Variants in ATRIP observed in about 807,000 individuals in gnomAD.
ATRIP encodes ATR-interacting protein.
Under a neutral mutation model 78.1 loss-of-function variants are expected in ATRIP, and 44 were observed. That is an observed-to-expected ratio of 0.56 (90% CI 0.44 to 0.72). The LOEUF is 0.72. Among genes scored for constraint, ATRIP ranks in the 30% least tolerant of loss-of-function variants. The pLI is 0.00. For missense variants in ATRIP, 927 were observed against 980.2 expected (o/e 0.95, Z 0.72); for synonymous variants, 388 against 408.9 (o/e 0.95, Z 0.62).
chr3:48,446,998 G>A lies in ATRIP; in HGVS notation c.153G>A (p.Ala51=), dbSNP rs766298876. The A allele has an allele frequency of 3.3e-5, 52 of 1,578,542 alleles. 1 individual carries two copies. The highest frequency in any genetic ancestry group is 1.7e-5 in the Non-Finnish European group (20 of 1,165,554). The change falls in exon 1 of 13, where the codon GCG becomes GCA. Residue 51 remains alanine, a synonymous_variant. Transcript: ENST00000320211. ...CGGACCCTGACGACCCGTTCGGCGC[G>A]CATGGGGACTTCACTGCCGACGACC... ...AAPDPDDPFG[A]HGDFTADDLE...
Position 48,466,698 on chromosome 3 carries a change from A to G in ATRIP, c.*1144A>G, listed in dbSNP as rs1449985027. Reference sequence around the variant, plus strand: ...GCCCCCGGGGCCCATGCAGACCCTCATCTTTTTCGACATGGAGGCCACTGG... The same window carrying G: ...GCCCCCGGGGCCCATGCAGACCCTCGTCTTTTTCGACATGGAGGCCACTGG... On this transcript the variant is annotated 3_prime_UTR_variant, in exon 13 of 13. Coordinates refer to ENST00000320211, the MANE Select transcript of ATRIP (RefSeq NM_130384.3). 3 of 1,613,846 alleles carry G rather than the reference A, an allele frequency of 1.9e-6. No homozygotes were observed. Among genetic ancestry groups the G allele is most frequent in the East Asian group, 2.2e-5 (1 of 44,836 alleles).
chr3:48,459,631 T>C, intron 6 of ATRIP, 156 bp from the exon 7 acceptor site: 3 of 1,163,354 alleles, frequency 2.6e-6, no homozygotes, highest in Non-Finnish European at 3.7e-6. Context: ...AGGGCAGGTA[T>C]GTCCCAGAGC....
In ATRIP at chr3:48,466,674, C is replaced by T. The variant is rs766068553; in HGVS notation, c.*1120C>T. On this transcript the variant is annotated 3_prime_UTR_variant, in exon 13 of 13. Transcript: ENST00000320211. ...CCCAACCATGGGCTCGCAGGCCCTG[C>T]CCCCGGGGCCCATGCAGACCCTCAT... 1 of 1,613,986 alleles carries T rather than the reference C, an allele frequency of 6.2e-7. No homozygotes were observed. Among genetic ancestry groups the T allele is most frequent in the Non-Finnish European group, 8.5e-7 (1 of 1,179,942 alleles).
In ATRIP at chr3:48,446,919, G is replaced by A; in HGVS notation, c.74G>A (p.Gly25Asp). The change falls in exon 1 of 13, where the codon GGC becomes GAC. Residue 25 changes from glycine (G) to aspartate (D), a missense_variant. Physicochemically the swap from Gly to Asp is moderately conservative, Grantham distance 94 (BLOSUM62 -1). Transcript: ENST00000320211. ...GCGCCTCGCCCCGGCCCGCCGCCGG[G>A]CACCGGGCACCCCCCGAGCAAGCGG... ...PPAPRPGPPP[G>D]TGHPPSKRAR... 1 of 1,409,264 alleles carries A rather than the reference G, an allele frequency of 7.1e-7. No individual in the cohort carries two copies. 87.3% of individuals were successfully genotyped at this position (1,409,264 alleles called of 1,614,324 possible).
At chr3:48,451,039 A>T (rs529886299) in intron 2 of ATRIP, among the ~76,000 whole-genome samples, 1 of 151,914 alleles carries the variant, frequency 6.6e-6, no homozygotes, top group Admixed American at 6.5e-5. Flanking sequence ...AAATACAAAA[A>T]TTAGCTAGGC....
intron 8 of ATRIP, 68 bp downstream of exon 8, chr3:48,460,867 G>A: frequency 7.1e-7 from 1 of 1,417,806 alleles, no homozygotes; most frequent in Non-Finnish European, 9.6e-7. Flanking sequence ...CTAACCCATG[G>A]CACTTGTACT....
intron 1 of ATRIP, chr3:48,447,300 A>C: frequency 8.0e-7 from 1 of 1,242,652 alleles, no homozygotes; most frequent in Non-Finnish European, 1.0e-6. Context: ...AGCCGATTTG[A>C]AACACAGAAG....
In ATRIP at chr3:48,466,443, G is replaced by A; in HGVS notation, c.*889G>A. 2 of 1,612,886 alleles carry A rather than the reference G, an allele frequency of 1.2e-6. No homozygotes were observed. The highest frequency in any genetic ancestry group is 2.2e-5 in the South Asian group (2 of 91,042). Reference sequence around the variant, plus strand: ...ACCCTCTCAGACAGTCGAATGTGCTGGTCCCACTAAGGAAACCACCTCACC... The same window carrying A: ...ACCCTCTCAGACAGTCGAATGTGCTAGTCCCACTAAGGAAACCACCTCACC... On this transcript the variant is annotated 3_prime_UTR_variant, in exon 13 of 13. Coordinates refer to ENST00000320211, the MANE Select transcript of ATRIP (RefSeq NM_130384.3).
At chr3:48,447,164 T>C in intron 1 of ATRIP, 72 bp downstream of exon 1, 2 of 1,372,630 alleles carry the variant, frequency 1.5e-6, no homozygotes, top group Non-Finnish European at 1.9e-6. Flanking sequence ...TGGCTGTGGC[T>C]TCGGAACCTC....
intron 5 of ATRIP, 151 bp downstream of exon 5, chr3:48,457,567 G>A (rs1015266183): frequency 3.6e-5 from 23 of 640,836 alleles, no homozygotes; most frequent in Non-Finnish European, 4.7e-5. Context: ...ATCACTGAAA[G>A]CTTGTCTTAA....
chr3:48,450,673 G>A (rs1356224326), intron 2 of ATRIP: 4 of 600,776 alleles, frequency 6.7e-6, no homozygotes, highest in Non-Finnish European at 1.0e-5. Context: ...TTCAACCTCT[G>A]CCTCCTGGTT....
Position 48,463,804 on chromosome 3 carries a change from G to A in ATRIP, c.1805G>A (p.Ser602Asn). ...KCLSPETPLP[S>N]VLLAVELLSL... ...CTCAGCCCAGAGACACCCCTGCCTAGCGTGCTGCTGGCTGTTGAGCTCCTC... is the reference window on the plus strand; with the variant it reads ...CTCAGCCCAGAGACACCCCTGCCTAACGTGCTGCTGGCTGTTGAGCTCCTC... Residue 602 changes from serine to asparagine, a missense_variant, in exon 9 of 13, where the codon AGC (serine) becomes AAC (asparagine). Coordinates refer to ENST00000320211, the MANE Select transcript of ATRIP (RefSeq NM_130384.3). 1 of 1,614,140 alleles carries A rather than the reference G, an allele frequency of 6.2e-7. No homozygotes were observed. Among genetic ancestry groups the A allele is most frequent in the Non-Finnish European group, 8.5e-7 (1 of 1,180,030 alleles).
At position 48,467,433 on chromosome 3, in the gene ATRIP, A is replaced by C; in HGVS notation, c.*1879A>C. 1 of 1,614,166 alleles carries C rather than the reference A, an allele frequency of 6.2e-7. No individual in the cohort carries two copies. Among genetic ancestry groups the C allele is most frequent in the Non-Finnish European group, 8.5e-7 (1 of 1,180,012 alleles). ...TGCACACCTGGCCACAACCAGGAAC[A>C]CTAGTCCCAGCCTTGGAGAGAGCAG... On this transcript the variant is annotated 3_prime_UTR_variant, in exon 13 of 13. Transcript: ENST00000320211.
chr3:48,462,923 A>C (rs997518033), intron 8 of ATRIP, among the ~76,000 whole-genome samples: 3 of 152,196 alleles, frequency 2.0e-5, no homozygotes, highest in African/African-American at 7.2e-5. Flanking sequence ...TCTGCTGTGC[A>C]GGATTTGCCC....
intron 8 of ATRIP, among the ~76,000 whole-genome samples, chr3:48,461,912 G>A (rs1296604533): frequency 6.6e-6 from 1 of 152,106 alleles, no homozygotes; most frequent in African/African-American, 2.4e-5. Context: ...CACCATGTTG[G>A]CCAGGCTTGT....
At chr3:48,460,843 T>G (rs772499457) in intron 8 of ATRIP, 44 bp downstream of exon 8, 15 of 1,528,538 alleles carry the variant, frequency 9.8e-6, no homozygotes, top group Non-Finnish European at 1.3e-5. Flanking sequence ...GGGTCTCACC[T>G]GACCTCTTAA....
At chr3:48,464,799 C>T (rs1373832228) in intron 11 of ATRIP, 32 bp from the exon 12 acceptor site, 4 of 1,602,024 alleles carry the variant, frequency 2.5e-6, no homozygotes, top group Non-Finnish European at 2.6e-6. Context: ...CATGGTGGCA[C>T]CAGGCCTCAG....
At chr3:48,457,190 T>G in intron 4 of ATRIP, 69 bp from the exon 5 acceptor site, 1 of 1,375,784 alleles carries the variant, frequency 7.3e-7, no homozygotes, top group Non-Finnish European at 9.5e-7. Context: ...TGTTAGAAAT[T>G]TTGTAACCAG....
Position 48,466,434 on chromosome 3 carries a change from G to C in ATRIP, c.*880G>C. Reference sequence around the variant, plus strand: ...AAGAGGGAGACCCTCTCAGACAGTCGAATGTGCTGGTCCCACTAAGGAAAC... The same window carrying C: ...AAGAGGGAGACCCTCTCAGACAGTCCAATGTGCTGGTCCCACTAAGGAAAC... On this transcript the variant is annotated 3_prime_UTR_variant, in exon 13 of 13. Coordinates refer to ENST00000320211, the MANE Select transcript of ATRIP (RefSeq NM_130384.3). 1 of 1,612,016 alleles carries C rather than the reference G, an allele frequency of 6.2e-7. No homozygotes were observed. The highest frequency in any genetic ancestry group is 8.5e-7 in the Non-Finnish European group (1 of 1,179,202).
Sources: allele counts gnomAD v4.1 joint callset (sites outside exome capture counted in the v4.1 genomes callset), GRCh38; gene constraint gnomAD v4.1.1; transcripts MANE v1.5; gene names NCBI Gene and HGNC (gene_info 2026-07-23, HGNC 2026-07-21).